Variants in NEU4 observed in about 807,000 individuals in gnomAD.
NEU4 encodes the protein neuraminidase 4.
In NEU4, 7 loss-of-function variants were observed where a neutral mutation model predicts 9.9. The observed-to-expected ratio is 0.71, with a 90% CI of 0.40 to 1.33. The LOEUF (loss-of-function observed/expected upper bound fraction) is 1.33. Ranked by LOEUF, NEU4 falls within the 40% of genes most tolerant of loss-of-function variation. The pLI is 0.01. For missense variants in NEU4, 717 were observed against 712.6 expected (o/e 1.01, Z -0.07); for synonymous variants, 348 against 316.9 (o/e 1.10, Z -1.04).
At chr2:241,809,337 C>A in intron 1 of NEU4, 63 bp downstream of exon 1, 1 of 988,890 alleles carries the variant, frequency 1.0e-6, no homozygotes, top group Non-Finnish European at 1.4e-6. Flanking sequence ...GTGTAGTTTG[C>A]AGTAGAGAGT....
chr2:241,814,260 T>G, intron 1 of NEU4: 1 of 624,160 alleles, frequency 1.6e-6, no homozygotes, highest in Non-Finnish European at 2.9e-6. Context: ...CCACAGACAT[T>G]TGGGGTGGAG....
At chr2:241,815,900 G>A (rs373042565) in intron 3 of NEU4, 151 bp from the exon 4 acceptor site, 9 of 767,582 alleles carry the variant, frequency 1.2e-5, no homozygotes, top group Admixed American at 1.2e-4. Context: ...GACTCAGGGC[G>A]GCTGGGATGA....
At position 241,816,877 on chromosome 2, in the gene NEU4, C is replaced by G. The variant is rs2293763; in HGVS notation, c.1284C>G (p.Ala428=). 1 of 1,612,144 alleles carries G rather than the reference C, an allele frequency of 6.2e-7. No individual in the cohort carries two copies. Among genetic ancestry groups the G allele is most frequent in the South Asian group, 1.1e-5 (1 of 91,060 alleles). The part of the protein sequence containing the change: ...GYSDLASIGP[A]PEGGLVFACL... ...CCGACCTGGCGTCCATCGGGCCGGCCCCTGAGGGGGGCCTGGTTTTTGCCT... is the reference window on the plus strand; with the variant it reads ...CCGACCTGGCGTCCATCGGGCCGGCGCCTGAGGGGGGCCTGGTTTTTGCCT... Residue 428 remains alanine, a synonymous_variant, in exon 4 of 4, where the codon GCC becomes GCG. Transcript: ENST00000407683.
chr2:241,816,684 T>G lies in NEU4; in HGVS notation c.1091T>G (p.Leu364Arg), dbSNP rs1700357604. The change falls in exon 4 of 4, where the codon CTC becomes CGC. Residue 364 changes from leucine to arginine, a missense_variant. Physicochemically the swap from Leu to Arg is moderately radical, Grantham distance 102. Coordinates refer to ENST00000407683, the MANE Select transcript of NEU4 (RefSeq NM_001167600.3). ...GATGTGGGGTCCTGGACCCTGGCAC[T>G]CCCCATGCCCTTTGCTGCCCCGCCC... ...SGDVGSWTLA[L>R]PMPFAAPPQS... The G allele has an allele frequency of 6.6e-7, 1 of 1,523,934 alleles. No individual in the cohort carries two copies. The highest frequency in any genetic ancestry group is 8.8e-7 in the Non-Finnish European group (1 of 1,139,210). 94.4% of individuals were successfully genotyped at this position (1,523,934 alleles called of 1,614,324 possible). A position where few individuals can be genotyped will look rare whatever the true frequency, so the allele number is the denominator to read the frequency against.
In NEU4 at chr2:241,815,105, G is replaced by A. The variant is rs756400357; in HGVS notation, c.415G>A (p.Ala139Thr). ...TGACGCCGGCCTCTCGTGGGGCAGCGCCCGGGACCTCACCGAGGAGGCCAT... is the reference window on the plus strand; with the variant it reads ...TGACGCCGGCCTCTCGTGGGGCAGCACCCGGGACCTCACCGAGGAGGCCAT... ...SRDAGLSWGS[A>T]RDLTEEAIGG... Residue 139 changes from alanine (A) to threonine (T), a missense_variant, in exon 3 of 4, where the codon GCC becomes ACC. Transcript: ENST00000407683. The A allele has an allele frequency of 1.4e-5, 22 of 1,575,898 alleles. No homozygotes were observed. The highest frequency in any genetic ancestry group is 4.5e-5 in the South Asian group (4 of 88,470).
Position 241,816,968 on chromosome 2 carries a change from G to T in NEU4, c.1375G>T (p.Glu459Ter), listed in dbSNP as rs1700371902. The T allele has an allele frequency of 6.2e-7, 1 of 1,612,262 alleles. No individual in the cohort carries two copies. The highest frequency in any genetic ancestry group is 1.3e-5 in the African/African-American group (1 of 75,052). The part of the protein sequence containing the change: ...EISFCTFSLR[E>*]VLENVPASPK... ...TTCCTTTTGTACATTCTCCCTGCGT[G>T]AGGTCCTGGAGAACGTGCCCGCCAG... The change falls in exon 4 of 4, where the codon GAG becomes TAG. Residue 459 changes from glutamate (E) to a stop codon, truncating the protein, a stop_gained. Transcript: ENST00000407683. LOFTEE classifies it low-confidence loss of function (END_TRUNC).
chr2:241,815,461 G>C (rs1700294917), intron 3 of NEU4: 1 of 393,324 alleles, frequency 2.5e-6, no homozygotes, highest in African/African-American at 2.5e-5. Flanking sequence ...ATCACCCCCA[G>C]TCACCCAGTG....
rs750299287 is a variant in NEU4, at chr2:241,816,086, G to A, written c.493G>A (p.Val165Met). 30 of 1,609,714 alleles carry A rather than the reference G, an allele frequency of 1.9e-5. No homozygotes were observed. Among genetic ancestry groups the A allele is most frequent in the East Asian group, 2.2e-5 (1 of 44,774 alleles). ...ATFAVGPGHG[V>M]QLPSGRLLVP... ...ATTCGCTGTGGGTCCCGGCCACGGTGTGCAGCTGCCCTCAGGCCGCCTGCT... is the reference window on the plus strand; with the variant it reads ...ATTCGCTGTGGGTCCCGGCCACGGTATGCAGCTGCCCTCAGGCCGCCTGCT... Residue 165 changes from valine to methionine, a missense_variant, in exon 4 of 4, where the codon GTG becomes ATG. Val to Met is a conservative substitution (Grantham distance 21, BLOSUM62 1). Transcript: ENST00000407683.
At position 241,816,280 on chromosome 2, in the gene NEU4, C is replaced by G; in HGVS notation, c.687C>G (p.Asp229Glu). 2 of 1,584,054 alleles carry G rather than the reference C, an allele frequency of 1.3e-6. No homozygotes were observed. Among genetic ancestry groups the G allele is most frequent in the Non-Finnish European group, 1.7e-6 (2 of 1,166,414 alleles). ...RSGECQLAAV[D>E]GGQAGSFLYC... ...GCGAGTGCCAGCTGGCAGCGGTGGA[C>G]GGTGGGCAGGCCGGCAGCTTCCTCT... Residue 229 changes from aspartate (D) to glutamate (E), a missense_variant, in exon 4 of 4, where the codon GAC becomes GAG. Coordinates refer to ENST00000407683, the MANE Select transcript of NEU4 (RefSeq NM_001167600.3).
In NEU4 at chr2:241,815,145, AG is replaced by A; in HGVS notation, c.457+1del. 1 of 1,547,170 alleles carries A rather than the reference AG, an allele frequency of 6.5e-7. No homozygotes were observed. The highest frequency in any genetic ancestry group is 8.7e-7 in the Non-Finnish European group (1 of 1,148,140). On this transcript the variant is annotated frameshift_variant and splice_region_variant, in exon 3 of 4. Coordinates refer to ENST00000407683, the MANE Select transcript of NEU4 (RefSeq NM_001167600.3). LOFTEE classifies it low-confidence loss of function (END_TRUNC). ...LTEEAIGGAV[Q>X]DWATFAVGPG... ...GAGGAGGCCATCGGTGGTGCCGTGC[AG>A]GGTAGGCGGGCAGGGTGCCGGTCTG... is the stretch of plus-strand genomic sequence containing the variant.
intron 3 of NEU4, chr2:241,815,663 C>A: frequency 1.9e-6 from 1 of 522,312 alleles, no homozygotes; most frequent in Admixed American, 2.5e-5. Flanking sequence ...GCCTCACCCA[C>A]AACTTTCCCT....
Position 241,816,400 on chromosome 2 carries a change from G to A in NEU4, c.807G>A (p.Leu269=). The stretch of plus-strand genomic sequence containing the variant: ...TGCCCGCAGAGCGCGTGGCTTCCCT[G>A]CCCGAGACTGCCTGGGGCTGCCAGG... ...SFLPAERVAS[L]PETAWGCQGS... The change falls in exon 4 of 4, where the codon CTG becomes CTA. Residue 269 remains leucine (L), a synonymous_variant. Coordinates refer to ENST00000407683, the MANE Select transcript of NEU4 (RefSeq NM_001167600.3). 1 of 1,602,222 alleles carries A rather than the reference G, an allele frequency of 6.2e-7. No homozygotes were observed. Among genetic ancestry groups the A allele is most frequent in the Non-Finnish European group, 8.5e-7 (1 of 1,177,010 alleles).
intron 1 of NEU4, chr2:241,811,065 G>T: frequency 8.9e-7 from 1 of 1,128,498 alleles, no homozygotes; most frequent in Non-Finnish European, 1.1e-6. Context: ...GTGCACTCAC[G>T]GAGCCCTCCT....
chr2:241,813,970 C>CCCAATG, intron 1 of NEU4: 1 of 305,108 alleles, frequency 3.3e-6, no homozygotes, highest in East Asian at 1.3e-4. Flanking sequence ...CCGTGGCTCC[C>CCCAATG]ACAGGTCCCT....
At position 241,814,964 on chromosome 2, in the gene NEU4, G is replaced by A. The variant is rs747131201; in HGVS notation, c.274G>A (p.Asp92Asn). The change falls in exon 3 of 4, where the codon GAT becomes AAT. Residue 92 changes from aspartate to asparagine, a missense_variant. Coordinates refer to ENST00000407683, the MANE Select transcript of NEU4 (RefSeq NM_001167600.3). Reference protein sequence around the residue: ...HRSMNPCPVHDAGTGTVFLFF... With the variant: ...HRSMNPCPVHNAGTGTVFLFF... ...GTCCATGAACCCCTGCCCTGTGCAC[G>A]ATGCTGGCACGGGCACCGTCTTCCT... 14 of 1,611,452 alleles carry A rather than the reference G, an allele frequency of 8.7e-6. No homozygotes were observed. Among genetic ancestry groups the A allele is most frequent in the East Asian group, 4.5e-5 (2 of 44,888 alleles).
At position 241,816,452 on chromosome 2, in the gene NEU4, GC is replaced by G. The variant is rs1371572899; in HGVS notation, c.864del (p.Asn289ThrfsTer34). ...CAGCATCGTGGGCTTCCCAGCCCCCGCCCCCAACAGGCCACGGGATGACAGT... is the reference window on the plus strand; with the variant it reads ...CAGCATCGTGGGCTTCCCAGCCCCCGCCCCAACAGGCCACGGGATGACAGT... ...QGSIVGFPAP[A>X]PNRPRDDSWS... is the part of the protein sequence containing the mutation. On this transcript the variant is annotated frameshift_variant, in exon 4 of 4. Transcript: ENST00000407683. LOFTEE classifies it low-confidence loss of function (END_TRUNC). 1 of 1,608,302 alleles carries G rather than the reference GC, an allele frequency of 6.2e-7. No individual in the cohort carries two copies. Among genetic ancestry groups the G allele is most frequent in the Non-Finnish European group, 8.5e-7 (1 of 1,178,662 alleles).
chr2:241,812,484 TGCC>T (rs1406356425), intron 1 of NEU4, among the ~76,000 whole-genome samples: 297 of 24,284 alleles, frequency 0.012, 1 homozygote, highest in African/African-American at 0.016. Context: ...CAGAGGGGCC[TGCC>T]GAGGACACGG....
chr2:241,814,225 G>A (rs762548055), intron 1 of NEU4: 30 of 636,612 alleles, frequency 4.7e-5, no homozygotes, highest in Non-Finnish European at 7.0e-5. Flanking sequence ...TCCCAGAGCC[G>A]TGTTGAGAGG....
rs368041599 is a variant in NEU4, at chr2:241,815,104, C to T, written c.414C>T (p.Ser138=). ...GTGACGCCGGCCTCTCGTGGGGCAGCGCCCGGGACCTCACCGAGGAGGCCA... is the reference window on the plus strand; with the variant it reads ...GTGACGCCGGCCTCTCGTGGGGCAGTGCCCGGGACCTCACCGAGGAGGCCA... The part of the protein sequence containing the change: ...ASRDAGLSWG[S]ARDLTEEAIG... Residue 138 remains serine, a synonymous_variant, in exon 3 of 4, where the codon AGC becomes AGT. Coordinates refer to ENST00000407683, the MANE Select transcript of NEU4 (RefSeq NM_001167600.3). 5.8e-5 allele frequency: 91 copies of T among 1,574,930 alleles called. No individual in the cohort carries two copies. The highest frequency in any genetic ancestry group is 1.8e-4 in the East Asian group (8 of 43,650).
Sources: allele counts gnomAD v4.1 joint callset (sites outside exome capture counted in the v4.1 genomes callset), GRCh38; gene constraint gnomAD v4.1.1; transcripts MANE v1.5; gene names NCBI Gene and HGNC (gene_info 2026-07-23, HGNC 2026-07-21).